FMN1: variants seen among roughly 807,000 people sequenced by gnomAD.
FMN1 encodes the protein formin 1, also known as formin-1.
Under a neutral mutation model 132.4 loss-of-function variants are expected in FMN1, and 110 were observed. That is an observed-to-expected ratio of 0.83 (90% CI 0.71 to 0.97). FMN1 has a LOEUF of 0.97. Among genes scored for constraint, FMN1 ranks in the 50% least tolerant of loss-of-function variants. The pLI, the probability that FMN1 is intolerant of heterozygous loss-of-function variation, is 0.00. For synonymous variants in FMN1, 722 were observed against 651.7 expected (o/e 1.11, Z -1.64); for missense variants, 1,792 against 1,705.3 (o/e 1.05, Z -0.90).
At chr15:33,147,720 T>C in intron 4 of FMN1, among the ~76,000 whole-genome samples, 1 of 152,172 alleles carries the variant, frequency 6.6e-6, no homozygotes, top group East Asian at 1.9e-4. Flanking sequence ...ATGAGAAAAA[T>C]ACTCATTTAT....
chr15:33,051,446 C>T (rs1455283131), intron 6 of FMN1, among the ~76,000 whole-genome samples: 4 of 152,092 alleles, frequency 2.6e-5, no homozygotes, highest in African/African-American at 9.6e-5. Flanking sequence ...GGTCCCCTGC[C>T]ACCACCAGGA....
At chr15:32,951,761 G>A (rs1187519849) in intron 9 of FMN1, among the ~76,000 whole-genome samples, 1 of 152,178 alleles carries the variant, frequency 6.6e-6, no homozygotes, top group Non-Finnish European at 1.5e-5. Flanking sequence ...TTACAGATGA[G>A]AAAACTGTAC....
intron 6 of FMN1, among the ~76,000 whole-genome samples, chr15:33,023,099 A>C (rs2035501175): frequency 7.4e-6 from 1 of 134,874 alleles, no homozygotes; most frequent in Admixed American, 7.5e-5. Flanking sequence ...CCAAACCTCA[A>C]ATCCATCTAT....
intron 3 of FMN1, among the ~76,000 whole-genome samples, chr15:33,156,807 T>C (rs1351831588): frequency 1.3e-5 from 2 of 152,154 alleles, no homozygotes; most frequent in African/African-American, 4.8e-5. Flanking sequence ...GTTCAATTAA[T>C]GAATTCTCAG....
At chr15:32,888,865 T>G (rs1456157150) in intron 15 of FMN1, among the ~76,000 whole-genome samples, 4 of 151,060 alleles carry the variant, frequency 2.6e-5, no homozygotes, top group African/African-American at 9.7e-5. Context: ...AGGTTTTTTT[T>G]TTTTTTTTTT....
chr15:32,901,681 A>G (rs1311990137), intron 13 of FMN1, among the ~76,000 whole-genome samples: 1 of 152,140 alleles, frequency 6.6e-6, no homozygotes, highest in African/African-American at 2.4e-5. Context: ...AGGAATCTGT[A>G]AAAGTGTCAT....
At chr15:32,892,192 T>C (rs186401025) in intron 15 of FMN1, among the ~76,000 whole-genome samples, 41 of 152,300 alleles carry the variant, frequency 2.7e-4, no homozygotes, top group African/African-American at 9.4e-4. Context: ...GGCTGGGGGT[T>C]TGTCATAGAT....
At chr15:32,825,424 T>C (rs749656970) in intron 17 of FMN1, among the ~76,000 whole-genome samples, 1 of 152,206 alleles carries the variant, frequency 6.6e-6, no homozygotes, top group African/African-American at 2.4e-5. Context: ...CTGCCAATCA[T>C]GGTGTTCTTT....
At chr15:32,908,928 G>A (rs1441624604) in intron 11 of FMN1, among the ~76,000 whole-genome samples, 2 of 152,162 alleles carry the variant, frequency 1.3e-5, no homozygotes, top group East Asian at 1.9e-4. Context: ...AGGAGGCTGG[G>A]GGAATATTGT....
intron 17 of FMN1, among the ~76,000 whole-genome samples, chr15:32,854,699 G>C (rs1021645186): frequency 1.3e-5 from 2 of 152,020 alleles, no homozygotes; most frequent in African/African-American, 4.8e-5. Flanking sequence ...GATCGCCTGA[G>C]GTCAGGAGTT....
At chr15:33,102,595 A>C (rs1366105765) in intron 4 of FMN1, among the ~76,000 whole-genome samples, 1 of 151,996 alleles carries the variant, frequency 6.6e-6, no homozygotes, top group African/African-American at 2.4e-5. Flanking sequence ...TTCCACCATA[A>C]ATTTAAATGA....
chr15:32,774,533 C>G (rs1000931888), intron 20 of FMN1, among the ~76,000 whole-genome samples, 179 bp from the exon 21 acceptor site: 5 of 151,988 alleles, frequency 3.3e-5, no homozygotes, highest in African/African-American at 1.2e-4. Context: ...CTACCTATCA[C>G]CCTTACTCCC....
At chr15:32,860,790 C>T (rs925945821) in intron 16 of FMN1, 6 of 152,072 alleles carry the variant, frequency 3.9e-5, no homozygotes, top group Non-Finnish European at 7.4e-5. Flanking sequence ...CTGTACTCCT[C>T]AAACATGGTG....
At chr15:33,127,006 G>A (rs887919232) in intron 4 of FMN1, among the ~76,000 whole-genome samples, 1 of 152,204 alleles carries the variant, frequency 6.6e-6, no homozygotes, top group Non-Finnish European at 1.5e-5. Flanking sequence ...ATGACTACAT[G>A]TGGGAGTTTG....
chr15:33,048,644 A>AAACAAAAAAAAAAC (rs1555388954), intron 6 of FMN1, among the ~76,000 whole-genome samples: 1 of 86,916 alleles, frequency 1.2e-5, no homozygotes, highest in Non-Finnish European at 2.4e-5. Context: ...AAAAAAAAAA[A>AAACAAAAAAAAAAC]AAAAACCAAC....
At position 32,974,754 on chromosome 15, in the gene FMN1, T is replaced by C. The variant is rs1457514018; in HGVS notation, c.2224-5277A>G. On this transcript the variant is annotated intron_variant, in intron 7 of 20. Transcript: ENST00000616417. ...TTCTGCTCTAACACAGCTGAGATAG[T>C]AAAACAACACAATATCAATGGGTTC... Among the ~76,000 whole-genome samples the C allele has an allele frequency of 2.6e-5, 4 of 152,088 alleles. No individual in the cohort carries two copies. The South Asian group carries it at 6.2e-4, about 24-fold the overall frequency.
At position 32,857,107 on chromosome 15, in the gene FMN1, G is replaced by C. The variant is rs763570572; in HGVS notation, c.3836C>G (p.Ala1279Gly). Residue 1279 changes from alanine to glycine, a missense_variant and splice_region_variant, in exon 17 of 21, where the codon GCA (alanine) becomes GGA (glycine). By Grantham distance (60) the Ala-to-Gly change is moderately conservative. Coordinates refer to ENST00000616417, the MANE Select transcript of FMN1 (RefSeq NM_001277313.2). ...CACCACCACCATCTGTTTCTCACTT[G>C]CTGTGAAGAGAAATTTAGAATTAGA... ...DLRKLKRQLEASEKQMVVVCK... is the reference protein window; with the variant it reads ...DLRKLKRQLEGSEKQMVVVCK... The C allele has an allele frequency of 6.2e-7, 1 of 1,610,846 alleles. No homozygotes were observed. The highest frequency in any genetic ancestry group is 1.1e-5 in the South Asian group (1 of 91,024).
intron 19 of FMN1, among the ~76,000 whole-genome samples, chr15:32,793,149 T>C: frequency 6.6e-6 from 1 of 152,228 alleles, no homozygotes; most frequent in East Asian, 1.9e-4. Flanking sequence ...TTTAAACCAA[T>C]GATCCTATAA....
intron 6 of FMN1, among the ~76,000 whole-genome samples, chr15:33,047,601 C>T (rs1462371654): frequency 1.3e-5 from 2 of 152,160 alleles, no homozygotes; most frequent in African/African-American, 4.8e-5. Flanking sequence ...AAATAGATCC[C>T]TCTCGAAATC....
Sources: gnomAD v4.1 joint callset for allele counts (sites outside exome capture counted in the v4.1 genomes callset) on GRCh38, gnomAD v4.1.1 for gene constraint, MANE v1.5 for transcripts, NCBI Gene and HGNC (gene_info 2026-07-23, HGNC 2026-07-21) for gene names.